The following ZDHHC2 variants were observed in gnomAD, a reference collection of about 807,000 sequenced individuals.
ZDHHC2 encodes zDHHC palmitoyltransferase 2, also known as palmitoyltransferase ZDHHC2.
Under a neutral mutation model 55.6 loss-of-function variants are expected in ZDHHC2, and 51 were observed. That is an observed-to-expected ratio of 0.92 (90% CI 0.73 to 1.16). The LOEUF (loss-of-function observed/expected upper bound fraction) is 1.16. Among genes scored for constraint, ZDHHC2 ranks in the 50% most tolerant of loss-of-function variants. The pLI, the probability that ZDHHC2 is intolerant of heterozygous loss-of-function variation, is 0.00. For missense variants in ZDHHC2, 491 were observed against 442.4 expected, an observed-to-expected ratio of 1.11 and a Z score of -0.99; for synonymous variants, 199 against 152.9, an observed-to-expected ratio of 1.30 and a Z score of -2.22.
intron 6 of ZDHHC2, among the ~76,000 whole-genome samples, chr8:17,201,588 GT>G (rs1187987342): frequency 7.2e-6 from 1 of 139,612 alleles, no homozygotes; most frequent in Non-Finnish European, 1.5e-5. Context: ...CGCCTCCTGG[GT>G]TCATGCCATT....
At chr8:17,219,194 G>A (rs2150953087) in intron 12 of ZDHHC2, among the ~76,000 whole-genome samples, 1 of 129,006 alleles carries the variant, frequency 7.8e-6, no homozygotes, top group East Asian at 2.9e-4. Flanking sequence ...AGGTTGCAGT[G>A]AGCCAAAATC....
chr8:17,198,526 C>A (rs1806443146), intron 6 of ZDHHC2, 113 bp downstream of exon 6: 6 of 1,000,380 alleles, frequency 6.0e-6, no homozygotes, highest in South Asian at 2.5e-5. Flanking sequence ...GTTGACATAG[C>A]AGGAACTTTT....
chr8:17,166,940 A>G (rs34793944), intron 1 of ZDHHC2, among the ~76,000 whole-genome samples: 37,453 of 152,120 alleles, frequency 0.25, 5,337 homozygotes, highest in South Asian at 0.34. Context: ...TTGCTGGGAT[A>G]TCTGAATTAA....
chr8:17,224,083 A>T lies in ZDHHC2; in HGVS notation c.*3862A>T, dbSNP rs1221932693. On this transcript the variant is annotated 3_prime_UTR_variant, in exon 13 of 13. Transcript: ENST00000262096. ...CTCCTTGAAATGTGAGCAAAGAACT[A>T]TGATGATGCAGTCCAGGTATCTAAT... The T allele has an allele frequency of 6.6e-6, 1 of 151,622 alleles. No individual in the cohort carries two copies. Among genetic ancestry groups the T allele is most frequent in the Non-Finnish European group, 1.5e-5 (1 of 67,690 alleles). The allele number at this position is 151,622 out of a possible 1,614,324, so 9.4% of individuals were successfully genotyped here.
intron 1 of ZDHHC2, 133 bp downstream of exon 1, chr8:17,156,986 G>C (rs1205627931): frequency 1.2e-6 from 1 of 832,056 alleles, no homozygotes; most frequent in Non-Finnish European, 1.7e-6. Flanking sequence ...CGTCCCGCCG[G>C]CTCCGCCGCT....
chr8:17,161,625 A>G (rs1315079306), intron 1 of ZDHHC2, among the ~76,000 whole-genome samples: 1 of 152,190 alleles, frequency 6.6e-6, no homozygotes, highest in African/African-American at 2.4e-5. Flanking sequence ...TGGGAGGCCA[A>G]GGTGGGAGGA....
At chr8:17,197,435 T>C (rs887864243) in intron 4 of ZDHHC2, 147 bp from the exon 5 acceptor site, 1 of 716,906 alleles carries the variant, frequency 1.4e-6, no homozygotes, top group African/African-American at 1.8e-5. Context: ...TTTTTGTATT[T>C]AAACAGCATC....
intron 6 of ZDHHC2, among the ~76,000 whole-genome samples, chr8:17,201,247 C>A (rs1301192064): frequency 6.6e-6 from 1 of 152,026 alleles, no homozygotes. Flanking sequence ...GTGTGCATAG[C>A]CTATAAACCC....
In ZDHHC2 at chr8:17,176,458, T is replaced by A. The variant is rs543312422; in HGVS notation, c.131-8331T>A. Among the ~76,000 whole-genome samples the A allele has an allele frequency of 2.6e-5, 4 of 152,194 alleles. No individual in the cohort carries two copies. In the South Asian group the frequency reaches 8.3e-4, roughly 32 times the overall value. On this transcript the variant is annotated intron_variant, in intron 1 of 12. Coordinates refer to ENST00000262096, the MANE Select transcript of ZDHHC2 (RefSeq NM_016353.5). ...TGCCTTAGGTCTTCAAAAGTCAAGA[T>A]TTTTTCACCGAGAATACATCACGGT...
At chr8:17,163,196 G>A (rs1159165764) in intron 1 of ZDHHC2, among the ~76,000 whole-genome samples, 3 of 152,184 alleles carry the variant, frequency 2.0e-5, no homozygotes, top group African/African-American at 7.2e-5. Flanking sequence ...TTGCACCTGA[G>A]GAACAGCCTT....
At chr8:17,174,705 CTTTTTTTTTTTTT>C (rs546670520) in intron 1 of ZDHHC2, among the ~76,000 whole-genome samples, 2 of 61,944 alleles carry the variant, frequency 3.2e-5, no homozygotes, top group Non-Finnish European at 6.1e-5. Flanking sequence ...TTGTGTTATT[CTTTTTTTTTTTTT>C]TTTTTTTTTT....
At position 17,223,946 on chromosome 8, in the gene ZDHHC2, A is replaced by G. The variant is rs1808021086; in HGVS notation, c.*3725A>G. 1 of 151,788 alleles carries G rather than the reference A, an allele frequency of 6.6e-6. No individual in the cohort carries two copies. The highest frequency in any genetic ancestry group is 1.5e-5 in the Non-Finnish European group (1 of 67,774). The allele number at this position is 151,788 out of a possible 1,614,324, so 9.4% of individuals were successfully genotyped here. ...ATGAAATCAAGTAGGCTTGTTTCAA[A>G]GAGACTCCTGTGAATCAACTATGAA... On this transcript the variant is annotated 3_prime_UTR_variant, in exon 13 of 13. Coordinates refer to ENST00000262096, the MANE Select transcript of ZDHHC2 (RefSeq NM_016353.5).
chr8:17,170,553 T>C (rs970231220), intron 1 of ZDHHC2, among the ~76,000 whole-genome samples: 6 of 152,234 alleles, frequency 3.9e-5, no homozygotes, highest in Non-Finnish European at 7.3e-5. Context: ...TCTGGTCATA[T>C]AGTACTCAAC....
intron 10 of ZDHHC2, among the ~76,000 whole-genome samples, chr8:17,213,585 A>G (rs1173261194): frequency 6.6e-6 from 1 of 152,032 alleles, no homozygotes; most frequent in East Asian, 1.9e-4. Flanking sequence ...TCTTATTATC[A>G]CCTGACTTAT....
intron 1 of ZDHHC2, among the ~76,000 whole-genome samples, chr8:17,181,875 A>G (rs936910519): frequency 1.2e-4 from 19 of 152,162 alleles, no homozygotes; most frequent in Admixed American, 1.2e-3. Context: ...GCTAAATTTG[A>G]GCAATCTTTT....
At chr8:17,171,807 T>C (rs1226971194) in intron 1 of ZDHHC2, among the ~76,000 whole-genome samples, 1 of 151,084 alleles carries the variant, frequency 6.6e-6, no homozygotes, top group Non-Finnish European at 1.5e-5. Flanking sequence ...TTGTATGAGG[T>C]GTAATGCCCA....
At chr8:17,177,470 G>T (rs1024889686) in intron 1 of ZDHHC2, among the ~76,000 whole-genome samples, 1 of 152,192 alleles carries the variant, frequency 6.6e-6, no homozygotes, top group Non-Finnish European at 1.5e-5. Flanking sequence ...ATAATCTTTT[G>T]AATGTGAGCT....
intron 2 of ZDHHC2, among the ~76,000 whole-genome samples, chr8:17,185,368 A>C (rs190640372): frequency 3.9e-4 from 60 of 152,296 alleles, no homozygotes; most frequent in African/African-American, 1.4e-3. Flanking sequence ...TTAATATTTA[A>C]AATTTGGGCC....
At chr8:17,215,471 C>G (rs1050308440) in intron 11 of ZDHHC2, 122 bp downstream of exon 11, 7 of 773,236 alleles carry the variant, frequency 9.1e-6, no homozygotes, top group Admixed American at 2.9e-5. Context: ...GACTTCTATT[C>G]TAAATTCAGA....
Sources: gnomAD v4.1 joint callset for allele counts (sites outside exome capture counted in the v4.1 genomes callset) on GRCh38, gnomAD v4.1.1 for gene constraint, MANE v1.5 for transcripts, NCBI Gene and HGNC (gene_info 2026-07-23, HGNC 2026-07-21) for gene names.